The following PHACTR2 variants were observed in gnomAD, a reference collection of about 807,000 sequenced individuals.
The protein encoded by PHACTR2 is phosphatase and actin regulator 2.
PHACTR2 carries 30 observed loss-of-function variants against 76.0 expected under a neutral mutation model. The ratio of observed to expected loss-of-function variants is 0.39; its 90% CI spans 0.30 to 0.54. The LOEUF is 0.54. PHACTR2 is among the 20% of genes least tolerant of loss of function. PHACTR2 has a pLI of 0.61. For missense variants in PHACTR2, 696 were observed against 781.1 expected (o/e 0.89, Z 1.30); for synonymous variants, 292 against 292.5 (o/e 1.00, Z 0.02).
intron 1 of PHACTR2, among the ~76,000 whole-genome samples, chr6:143,552,607 TA>T (rs902363931): frequency 1.3e-5 from 2 of 151,242 alleles, no homozygotes; most frequent in Non-Finnish European, 3.0e-5. Context: ...CTATCAGAAT[TA>T]AAAAAAAATT....
intron 1 of PHACTR2, among the ~76,000 whole-genome samples, chr6:143,622,802 CAGG>C (rs1776180021): frequency 6.6e-6 from 1 of 152,038 alleles, no homozygotes; most frequent in Admixed American, 6.5e-5. Flanking sequence ...GGATTCCTTG[CAGG>C]AGAAGATAGA....
chr6:143,718,020 C>T (rs1344832181), intron 2 of PHACTR2, among the ~76,000 whole-genome samples: 1 of 152,140 alleles, frequency 6.6e-6, no homozygotes, highest in African/African-American at 2.4e-5. Context: ...TATCTTTTGT[C>T]CTTATTTAAA....
rs2024693 is a variant in PHACTR2 at position 143,697,819 on chromosome 6, C to T, written c.47-14197C>T. Reference sequence around the variant, plus strand: ...TTCTTTTTGTAAATATTTTTAGGGACCTTTTTGTGGCCTAAGTACAGTATA... The same window carrying T: ...TTCTTTTTGTAAATATTTTTAGGGATCTTTTTGTGGCCTAAGTACAGTATA... On this transcript the variant is annotated intron_variant, in intron 1 of 12. Coordinates refer to ENST00000440869, the MANE Select transcript of PHACTR2 (RefSeq NM_001100164.2). This position sits in a 1 kb window ranked among gnomAD's most constrained non-coding sequence, Gnocchi z 4.4. 6.6e-6 allele frequency among the ~76,000 whole-genome samples: 1 copy of T among 151,788 alleles called. No individual in the cohort carries two copies. Among genetic ancestry groups the T allele is most frequent in the African/African-American group, 2.4e-5 (1 of 41,252 alleles).
In PHACTR2 at chr6:143,553,395, C is replaced by T. The variant is rs1029625900; in HGVS notation, c.217+16188C>T. Reference sequence around the variant, plus strand: ...GGTGAACAGAGGTTCAGTAAATTCACGGAAGTGAAAATATCATACAAACCA... The same window carrying T: ...GGTGAACAGAGGTTCAGTAAATTCATGGAAGTGAAAATATCATACAAACCA... On this transcript the variant is annotated intron_variant, in intron 1 of 11. Transcript: ENST00000367584. This position sits in a 1 kb window ranked among gnomAD's most constrained non-coding sequence, Gnocchi z 4.2. Among the ~76,000 whole-genome samples, 4 of 152,258 alleles carry T rather than the reference C, an allele frequency of 2.6e-5. No individual in the cohort carries two copies. The highest frequency in any genetic ancestry group is 3.9e-4 in the East Asian group (2 of 5,186).
rs1232494573 is a variant in PHACTR2 at position 143,621,917 on chromosome 6, A to G, written c.13+13595A>G. ...CACCTCTCACATTTTGCTGTTGTGC[A>G]CTTGCTTCTGGCAGCTCCCATCTCC... On this transcript the variant is annotated intron_variant, in intron 1 of 11. Transcript: ENST00000305766. This position sits in a 1 kb window ranked among gnomAD's most constrained non-coding sequence, Gnocchi z 4.1. Among the ~76,000 whole-genome samples, 1 of 152,124 alleles carries G rather than the reference A, an allele frequency of 6.6e-6. No homozygotes were observed. Among genetic ancestry groups the G allele is most frequent in the Non-Finnish European group, 1.5e-5 (1 of 68,022 alleles).
In PHACTR2 at chr6:143,809,338, G is replaced by T. The variant is rs1776127829; in HGVS notation, c.1922+2205G>T. Among the ~76,000 whole-genome samples, 1 of 152,136 alleles carries T rather than the reference G, an allele frequency of 6.6e-6. No individual in the cohort carries two copies. The highest frequency in any genetic ancestry group is 1.9e-4 in the East Asian group (1 of 5,180). Reference sequence around the variant, plus strand: ...TACAGGGAGAAGTAAGGGTCATTTTGTTTTTGTGGGGGTATTTTTTGTTTT... The same window carrying T: ...TACAGGGAGAAGTAAGGGTCATTTTTTTTTTGTGGGGGTATTTTTTGTTTT... On this transcript the variant is annotated intron_variant, in intron 12 of 12. Coordinates refer to ENST00000440869, the MANE Select transcript of PHACTR2 (RefSeq NM_001100164.2). The surrounding 1 kb of genome is among the most constrained non-coding windows in gnomAD (Gnocchi z 4.2).
At position 143,547,775 on chromosome 6, in the gene PHACTR2, A is replaced by G. The variant is rs148291304; in HGVS notation, c.217+10568A>G. ...GCTTCATGATACCTTGCGGCCAGGAACTGATACATTGATACATTGGTTGTG... is the reference window on the plus strand; with the variant it reads ...GCTTCATGATACCTTGCGGCCAGGAGCTGATACATTGATACATTGGTTGTG... On this transcript the variant is annotated intron_variant, in intron 1 of 11. Coordinates refer to the PHACTR2 transcript ENST00000367584. This position sits in a 1 kb window ranked among gnomAD's most constrained non-coding sequence, Gnocchi z 4.2. Among the ~76,000 whole-genome samples the G allele has an allele frequency of 8.5e-5, 13 of 152,276 alleles. No homozygotes were observed. Among genetic ancestry groups the G allele is most frequent in the South Asian group, 2.1e-4 (1 of 4,834 alleles).
upstream of PHACTR2, among the ~76,000 whole-genome samples, chr6:143,672,968 G>A (rs1285831031): frequency 6.6e-6 from 1 of 151,928 alleles, no homozygotes; most frequent in Non-Finnish European, 1.5e-5. This position sits in a 1 kb window ranked among gnomAD's most constrained non-coding sequence, Gnocchi z 5.8. Flanking sequence ...CAGGTGATCC[G>A]CCCACCTCGG....
rs939769962 is a variant in PHACTR2 at position 143,783,733 on chromosome 6, A to T, written c.1707+453A>T. On this transcript the variant is annotated intron_variant, in intron 10 of 12. Coordinates refer to ENST00000440869, the MANE Select transcript of PHACTR2 (RefSeq NM_001100164.2). This position sits in a 1 kb window ranked among gnomAD's most constrained non-coding sequence, Gnocchi z 5.2. Reference sequence around the variant, plus strand: ...ATAATTAACAAGGGTTTTAAGTTGCATTTACTCCATGAAAGTATGTACTCT... The same window carrying T: ...ATAATTAACAAGGGTTTTAAGTTGCTTTTACTCCATGAAAGTATGTACTCT... Among the ~76,000 whole-genome samples, 1 of 152,254 alleles carries T rather than the reference A, an allele frequency of 6.6e-6. No individual in the cohort carries two copies. The highest frequency in any genetic ancestry group is 2.4e-5 in the African/African-American group (1 of 41,472).
chr6:143,584,426 A>G (rs1033174061), intron 1 of PHACTR2, among the ~76,000 whole-genome samples: 7 of 152,170 alleles, frequency 4.6e-5, no homozygotes, highest in African/African-American at 1.7e-4. Context: ...TCAGTTCTGG[A>G]GGAAAAAAGA....
intron 1 of PHACTR2, among the ~76,000 whole-genome samples, chr6:143,651,125 C>T (rs563456006): frequency 2.6e-5 from 4 of 151,906 alleles, no homozygotes; most frequent in East Asian, 1.9e-4. Context: ...AAATGCAAAC[C>T]GAAACCACAT....
intron 1 of PHACTR2, among the ~76,000 whole-genome samples, chr6:143,706,711 G>T (rs1188136581): frequency 6.6e-6 from 1 of 152,172 alleles, no homozygotes; most frequent in Non-Finnish European, 1.5e-5. Context: ...TTAAAAGGAA[G>T]ATATTTGACC....
rs1438835293 is a variant in PHACTR2 at position 143,793,561 on chromosome 6, G to T, written c.1845+4651G>T. Among the ~76,000 whole-genome samples the T allele has an allele frequency of 6.6e-6, 1 of 152,042 alleles. No homozygotes were observed. Among genetic ancestry groups the T allele is most frequent in the Non-Finnish European group, 1.5e-5 (1 of 68,018 alleles). ...ATTTTTAGAAGTGGATTTTTATTGT[G>T]TATGTGTGTGTTTCTCTGGAAGAAA... On this transcript the variant is annotated intron_variant, in intron 11 of 12. Transcript: ENST00000440869. This position sits in a 1 kb window ranked among gnomAD's most constrained non-coding sequence, Gnocchi z 4.4.
At chr6:143,706,173 T>C (rs1778048948) in intron 1 of PHACTR2, among the ~76,000 whole-genome samples, 1 of 152,210 alleles carries the variant, frequency 6.6e-6, no homozygotes, top group South Asian at 2.1e-4. Context: ...TTGAGCACTT[T>C]CTGGGACTAC....
chr6:143,600,041 T>C (rs1775795995), intron 1 of PHACTR2, among the ~76,000 whole-genome samples: 1 of 152,264 alleles, frequency 6.6e-6, no homozygotes, highest in Admixed American at 6.5e-5. Context: ...AACAGTAGTC[T>C]GACCCTTTCT....
At chr6:143,635,662 C>A (rs1156437740) in intron 1 of PHACTR2, among the ~76,000 whole-genome samples, 2 of 152,140 alleles carry the variant, frequency 1.3e-5, no homozygotes, top group African/African-American at 2.4e-5. Context: ...TTGTCTAGTG[C>A]CAGTCGTATG....
intron 2 of PHACTR2, among the ~76,000 whole-genome samples, chr6:143,716,915 AC>A (rs1220971042): frequency 6.6e-6 from 1 of 151,968 alleles, no homozygotes; most frequent in African/African-American, 2.4e-5. Context: ...TGGGCAGAGC[AC>A]CCGTCTCCCC....
rs1777770621 is a variant in PHACTR2, at chr6:143,696,433, A to G, written c.47-15583A>G. On this transcript the variant is annotated intron_variant, in intron 1 of 12. Transcript: ENST00000440869. This position sits in a 1 kb window ranked among gnomAD's most constrained non-coding sequence, Gnocchi z 4.1. ...CATAAATAACCCACTCTCCATTTTT[A>G]TTCCCCACAAAACCTCTTATCAGCC... Among the ~76,000 whole-genome samples, 3 of 152,182 alleles carry G rather than the reference A, an allele frequency of 2.0e-5. No individual in the cohort carries two copies. The highest frequency in any genetic ancestry group is 4.1e-4 in the South Asian group (2 of 4,822).
chr6:143,768,297 C>A (rs1417465688), intron 6 of PHACTR2, among the ~76,000 whole-genome samples: 1 of 152,166 alleles, frequency 6.6e-6, no homozygotes, highest in Non-Finnish European at 1.5e-5. Flanking sequence ...ATTCTTACAG[C>A]ATATATTTTT....
Sources: gnomAD v4.1 joint callset for allele counts (sites outside exome capture counted in the v4.1 genomes callset) on GRCh38, gnomAD v4.1.1 for gene constraint, Gnocchi (gnomAD v3.1) non-coding constraint, MANE v1.5 for transcripts, NCBI Gene and HGNC (gene_info 2026-07-23, HGNC 2026-07-21) for gene names.